Variants in CHKA observed in about 807,000 individuals in gnomAD.
CHKA encodes the protein CHETK-alpha.
Under a neutral mutation model 60.1 loss-of-function variants are expected in CHKA, and 34 were observed. The ratio of observed to expected loss-of-function variants is 0.57; its 90% CI spans 0.43 to 0.75. CHKA has a LOEUF of 0.75. Ranked by LOEUF, CHKA falls within the 30% of genes least tolerant of loss-of-function variation. The probability of loss-of-function intolerance (pLI) is 0.00; values close to 1 mark genes in which losing one functional copy is unlikely to be tolerated. For synonymous variants in CHKA, 217 were observed against 223.1 expected (o/e 0.97, Z 0.24); for missense variants, 563 against 561.3 (o/e 1.00, Z -0.03).
chr11:68,112,696 T>C (rs187647335), intron 1 of CHKA, among the ~76,000 whole-genome samples: 28 of 152,308 alleles, frequency 1.8e-4, no homozygotes, highest in African/African-American at 6.5e-4. Flanking sequence ...GGAAAAAATA[T>C]TTGCAAAAGA....
intron 1 of CHKA, among the ~76,000 whole-genome samples, chr11:68,117,327 A>G (rs1712001802): frequency 6.6e-6 from 1 of 152,210 alleles, no homozygotes; most frequent in Admixed American, 6.5e-5. Flanking sequence ...AACTAGCTCA[A>G]TGTTAGTTGC....
chr11:68,078,135 C>G (rs943999018), intron 3 of CHKA, among the ~76,000 whole-genome samples: 3 of 152,172 alleles, frequency 2.0e-5, no homozygotes, highest in African/African-American at 7.2e-5. Context: ...AAGCTTTCTA[C>G]AGGGCACCCT....
intron 11 of CHKA, among the ~76,000 whole-genome samples, chr11:68,054,275 G>A (rs532886035): frequency 6.6e-6 from 1 of 152,316 alleles, no homozygotes; most frequent in Admixed American, 6.5e-5. Context: ...CAGGAGGCCT[G>A]GTTTATAGGC....
intron 1 of CHKA, among the ~76,000 whole-genome samples, chr11:68,118,346 T>C (rs1173626881): frequency 6.6e-6 from 1 of 151,904 alleles, no homozygotes; most frequent in African/African-American, 2.4e-5. Flanking sequence ...GAGGCTGAGG[T>C]GGGAGGATCA....
intron 6 of CHKA, among the ~76,000 whole-genome samples, chr11:68,069,740 C>T (rs907119195): frequency 2.1e-4 from 32 of 151,876 alleles, no homozygotes; most frequent in African/African-American, 5.8e-4. Context: ...GAGTGGCCTG[C>T]GCCAAGCATC....
intron 11 of CHKA, among the ~76,000 whole-genome samples, chr11:68,060,030 C>CCCTTTTTTTTTTT (rs1856168024): frequency 9.5e-6 from 1 of 104,848 alleles, no homozygotes; most frequent in Non-Finnish European, 2.1e-5. Context: ...TAGAGTTTCA[C>CCCTTTTTTTTTTT]TCTTTTTTTT....
chr11:68,073,389 C>T lies in CHKA; in HGVS notation c.630+1328G>A, dbSNP rs181560978. Among the ~76,000 whole-genome samples, 349 of 152,186 alleles carry T rather than the reference C, an allele frequency of 2.3e-3. 1 individual carries two copies. Among genetic ancestry groups the T allele is most frequent in the African/African-American group, 7.3e-3 (303 of 41,522 alleles). On this transcript the variant is annotated intron_variant, in intron 4 of 11. Coordinates refer to ENST00000265689, the MANE Select transcript of CHKA (RefSeq NM_001277.3). ...ATCATCTCGGCCGGGCGCGGTGGTTCACACCTGTAATCCCAGCACTTTGGG... is the reference window on the plus strand; with the variant it reads ...ATCATCTCGGCCGGGCGCGGTGGTTTACACCTGTAATCCCAGCACTTTGGG...
intron 1 of CHKA, among the ~76,000 whole-genome samples, chr11:68,108,415 T>C (rs1330616220): frequency 6.6e-6 from 1 of 152,174 alleles, no homozygotes; most frequent in Non-Finnish European, 1.5e-5. Context: ...CCTAACAACA[T>C]GTAAAAAGCT....
chr11:68,053,727 T>G lies in CHKA; in HGVS notation c.*261A>C, dbSNP rs1855887515. On this transcript the variant is annotated 3_prime_UTR_variant, in exon 12 of 12. Coordinates refer to ENST00000265689, the MANE Select transcript of CHKA (RefSeq NM_001277.3). Reference sequence around the variant, plus strand: ...CAAATATGAAATGCCTTCTCTAGATTAAAAGGATTCAGAGATGTTGCACTA... The same window carrying G: ...CAAATATGAAATGCCTTCTCTAGATGAAAAGGATTCAGAGATGTTGCACTA... The G allele has an allele frequency of 2.6e-6, 1 of 388,584 alleles. No homozygotes were observed. The highest frequency in any genetic ancestry group is 4.6e-6 in the Non-Finnish European group (1 of 215,410). The allele number at this position is 388,584 out of a possible 1,614,324, so 24.1% of individuals were successfully genotyped here.
rs1234794160 is a variant in CHKA, at chr11:68,121,325, G to GGCT, written c.-151_-149dup. ...GTTGGGCGCGCGGGGCGGCGGCGGC[G>GGCT]GCTGCGGCGACTGCGGCGACTGTGG... On this transcript the variant is annotated 5_prime_UTR_variant, in exon 1 of 12. Coordinates refer to ENST00000265689, the MANE Select transcript of CHKA (RefSeq NM_001277.3). The GGCT allele has an allele frequency of 4.6e-6, 2 of 439,126 alleles. No individual in the cohort carries two copies. Among genetic ancestry groups the GGCT allele is most frequent in the Non-Finnish European group, 6.1e-6 (2 of 329,074 alleles). 27.2% of individuals were successfully genotyped at this position (439,126 alleles called of 1,614,324 possible). A position where few individuals can be genotyped will look rare whatever the true frequency, so the allele number is the denominator to read the frequency against.
At chr11:68,069,015 G>T in intron 6 of CHKA, 78 bp from the exon 7 acceptor site, 3 of 1,115,390 alleles carry the variant, frequency 2.7e-6, no homozygotes, top group Non-Finnish European at 2.7e-6. Context: ...CACATGGCCA[G>T]CACCAAATTC....
intron 1 of CHKA, among the ~76,000 whole-genome samples, chr11:68,104,576 T>C (rs1027204037): frequency 6.6e-6 from 1 of 151,900 alleles, no homozygotes. Context: ...CCCACTACCA[T>C]GCCCAGCTAA....
chr11:68,119,146 A>G (rs968992982), intron 1 of CHKA, among the ~76,000 whole-genome samples: 2 of 152,110 alleles, frequency 1.3e-5, no homozygotes, highest in Non-Finnish European at 2.9e-5. Flanking sequence ...AGAGAGCTGA[A>G]TTTTTTTTAA....
intron 11 of CHKA, among the ~76,000 whole-genome samples, chr11:68,054,398 T>C (rs1023792722): frequency 6.6e-6 from 1 of 152,164 alleles, no homozygotes; most frequent in Admixed American, 6.5e-5. Context: ...CTGACCGACA[T>C]AACACACCTT....
intron 2 of CHKA, among the ~76,000 whole-genome samples, chr11:68,096,179 C>T (rs927938489): frequency 2.0e-5 from 3 of 151,916 alleles, no homozygotes; most frequent in South Asian, 2.1e-4. Flanking sequence ...GCCTGACCAA[C>T]ATGGTGAAAC....
intron 4 of CHKA, among the ~76,000 whole-genome samples, chr11:68,071,355 C>T (rs989215674): frequency 2.1e-4 from 32 of 152,232 alleles, no homozygotes; most frequent in African/African-American, 7.2e-4. Flanking sequence ...TCTCCAGCTG[C>T]TCCCAGTGGT....
At chr11:68,089,794 T>G (rs975309340) in intron 2 of CHKA, 4 of 152,208 alleles carry the variant, frequency 2.6e-5, no homozygotes, top group African/African-American at 9.7e-5. Context: ...TAGAGAATGC[T>G]CCAACTTCAG....
intron 1 of CHKA, among the ~76,000 whole-genome samples, chr11:68,102,771 G>A (rs893522294): frequency 5.3e-5 from 8 of 152,086 alleles, no homozygotes; most frequent in African/African-American, 1.9e-4. Context: ...CCTACAGAAT[G>A]GAAGAATCTA....
intron 2 of CHKA, among the ~76,000 whole-genome samples, chr11:68,089,104 A>G (rs1164393402): frequency 1.3e-5 from 2 of 152,210 alleles, no homozygotes; most frequent in Non-Finnish European, 2.9e-5. Flanking sequence ...ATCCGTAGGA[A>G]ACTAGAACTT....
Sources: gnomAD v4.1 joint callset for allele counts (sites outside exome capture counted in the v4.1 genomes callset) on GRCh38, gnomAD v4.1.1 for gene constraint, MANE v1.5 for transcripts, NCBI Gene and HGNC (gene_info 2026-07-23, HGNC 2026-07-21) for gene names.